CENPP: variants seen among roughly 807,000 people sequenced by gnomAD.
CENPP encodes the protein centromere protein P.
A neutral mutation model predicts 35.6 loss-of-function variants in CENPP; 24 were observed. The ratio of observed to expected loss-of-function variants is 0.67; its 90% CI spans 0.49 to 0.95. The LOEUF is 0.95. CENPP is among the 40% of genes least tolerant of loss of function. The pLI is 0.00. For synonymous variants in CENPP, 120 were observed against 125.5 expected (o/e 0.96, Z 0.29); for missense variants, 332 against 345.3 (o/e 0.96, Z 0.31).
rs147005093 is a variant in CENPP, at chr9:92,618,457, C to A, written c.*5308C>A. 8.8e-6 allele frequency: 4 copies of A among 456,596 alleles called. No homozygotes were observed. Among genetic ancestry groups the A allele is most frequent in the African/African-American group, 8.0e-5 (4 of 50,072 alleles). The allele number at this position is 456,596 out of a possible 1,614,324, so 28.3% of individuals were successfully genotyped here. ...GGTGAGTAACATGTCTGTCCTTCAG[C>A]GGCCTTTCACAGCCCACCTAAGGGC... On this transcript the variant is annotated 3_prime_UTR_variant, in exon 8 of 8. Transcript: ENST00000375587.
chr9:92,601,026 G>A (rs1350202352), intron 5 of CENPP, among the ~76,000 whole-genome samples: 2 of 152,134 alleles, frequency 1.3e-5, no homozygotes, highest in Non-Finnish European at 2.9e-5. Context: ...CCAACCAGAC[G>A]ACTCTTAGGG....
At chr9:92,471,644 A>G (rs1845519958) in intron 5 of CENPP, among the ~76,000 whole-genome samples, 1 of 151,144 alleles carries the variant, frequency 6.6e-6, no homozygotes, top group Admixed American at 6.6e-5. Flanking sequence ...TGATTTCCAC[A>G]TACTGATTCA....
rs530120601 is a variant in CENPP, at chr9:92,356,612, G to A, written c.467+10825G>A. Among the ~76,000 whole-genome samples, 235 of 152,274 alleles carry A rather than the reference G, an allele frequency of 1.5e-3. 1 individual carries two copies. Among genetic ancestry groups the A allele is most frequent in the African/African-American group, 5.3e-3 (220 of 41,544 alleles). On this transcript the variant is annotated intron_variant, in intron 4 of 7. Coordinates refer to ENST00000375587, the MANE Select transcript of CENPP (RefSeq NM_001012267.3). ...AAGACAGGCATAAGAAATTATAAAA[G>A]TATTATTTGGGAACTGATAAATGTC... is the stretch of plus-strand genomic sequence containing the variant.
At chr9:92,387,622 C>T (rs1044968177) in intron 5 of CENPP, among the ~76,000 whole-genome samples, 1 of 152,122 alleles carries the variant, frequency 6.6e-6, no homozygotes, top group Non-Finnish European at 1.5e-5. Context: ...TTCTTAAGCA[C>T]CCTACCCTTC....
intron 5 of CENPP, chr9:92,493,862 TGCAGCCAGAGCAGA>T (rs934235515): frequency 3.0e-6 from 1 of 329,682 alleles, no homozygotes; most frequent in African/African-American, 2.1e-5. Context: ...CTTGGGATTC[TGCAGCCAGAGCAGA>T]GTTGAGAAGC....
At chr9:92,594,958 G>A (rs1302206808) in intron 5 of CENPP, among the ~76,000 whole-genome samples, 2 of 139,676 alleles carry the variant, frequency 1.4e-5, no homozygotes, top group Non-Finnish European at 3.0e-5. Flanking sequence ...GTGCAGTGAC[G>A]TGATCTTGGC....
intron 3 of CENPP, among the ~76,000 whole-genome samples, chr9:92,339,020 CAGAGAAAGCAGTTGAAAGA>C (rs1365811607): frequency 6.6e-6 from 1 of 152,126 alleles, no homozygotes; most frequent in Non-Finnish European, 1.5e-5. Context: ...AGTTGAAAGC[CAGAGAAAGCAGTTGAAAGA>C]GGAGAAAGCA....
At chr9:92,385,464 A>C (rs1842381201) in intron 5 of CENPP, 3 of 613,760 alleles carry the variant, frequency 4.9e-6, no homozygotes, top group Admixed American at 6.8e-5. Flanking sequence ...TTTACTTATT[A>C]TATGTAAGAT....
At chr9:92,388,042 G>A (rs1010690595) in intron 5 of CENPP, among the ~76,000 whole-genome samples, 3 of 152,072 alleles carry the variant, frequency 2.0e-5, no homozygotes, top group Non-Finnish European at 4.4e-5. Flanking sequence ...AGGATTACAG[G>A]CATGAGCCAC....
chr9:92,411,787 C>T (rs1843451195), intron 5 of CENPP, among the ~76,000 whole-genome samples: 1 of 152,194 alleles, frequency 6.6e-6, no homozygotes, highest in African/African-American at 2.4e-5. Context: ...ATATTAACCC[C>T]AGTCAGGAGC....
intron 5 of CENPP, among the ~76,000 whole-genome samples, chr9:92,546,471 C>T (rs1299558989): frequency 3.3e-5 from 5 of 152,164 alleles, no homozygotes; most frequent in East Asian, 1.9e-4. Context: ...CTGAAGCCAG[C>T]GAGTCCACGA....
chr9:92,432,998 CTTT>C (rs1306302947), intron 5 of CENPP, among the ~76,000 whole-genome samples: 2 of 152,006 alleles, frequency 1.3e-5, no homozygotes, highest in Non-Finnish European at 2.9e-5. Flanking sequence ...ATTTTTTCTT[CTTT>C]GACTAAATAA....
chr9:92,529,334 G>GC lies in CENPP; in HGVS notation c.565-81980_565-81979insC, dbSNP rs1384119079. Reference sequence around the variant, plus strand: ...GTGCTGGTGAGTGTGTGGAGCAACTGTAAGTCTCATTCGGTGCTGGTGGGA... The same window carrying GC: ...GTGCTGGTGAGTGTGTGGAGCAACTGCTAAGTCTCATTCGGTGCTGGTGGGA... On this transcript the variant is annotated intron_variant, in intron 5 of 7. Coordinates refer to ENST00000375587, the MANE Select transcript of CENPP (RefSeq NM_001012267.3). Among the ~76,000 whole-genome samples the GC allele has an allele frequency of 2.0e-5, 3 of 152,190 alleles. No homozygotes were observed. In the East Asian group the frequency reaches 5.8e-4, roughly 29 times the overall value.
At chr9:92,434,470 ATGCTGAAAAC>A (rs1564318333) in intron 5 of CENPP, among the ~76,000 whole-genome samples, 1 of 152,154 alleles carries the variant, frequency 6.6e-6, no homozygotes, top group African/African-American at 2.4e-5. Flanking sequence ...TAAGAATTGC[ATGCTGAAAAC>A]TGCAAACATT....
intron 5 of CENPP, among the ~76,000 whole-genome samples, chr9:92,448,636 T>C (rs1844615493): frequency 2.0e-5 from 3 of 151,950 alleles, no homozygotes; most frequent in Admixed American, 2.0e-4. Context: ...GTGGGCTGAA[T>C]TGCTTCTGGA....
chr9:92,442,755 A>C (rs1373459760), intron 5 of CENPP, among the ~76,000 whole-genome samples: 2 of 151,898 alleles, frequency 1.3e-5, no homozygotes, highest in Admixed American at 6.6e-5. Flanking sequence ...AGGCTGAGGC[A>C]GGAGAATGGC....
At chr9:92,351,287 A>ATGCTGG in intron 4 of CENPP, among the ~76,000 whole-genome samples, 1 of 151,996 alleles carries the variant, frequency 6.6e-6, no homozygotes, top group South Asian at 2.1e-4. Flanking sequence ...TCAGGAGTTC[A>ATGCTGG]AATCCAGCAT....
At chr9:92,405,116 G>A (rs1174001574) in intron 5 of CENPP, among the ~76,000 whole-genome samples, 1 of 151,998 alleles carries the variant, frequency 6.6e-6, no homozygotes, top group Admixed American at 6.6e-5. Flanking sequence ...AAAAACTGAT[G>A]CATAAAAATT....
intron 5 of CENPP, among the ~76,000 whole-genome samples, chr9:92,502,832 G>A (rs1846770818): frequency 7.1e-6 from 1 of 140,850 alleles, no homozygotes; most frequent in African/African-American, 2.6e-5. Flanking sequence ...TTTTGAGACA[G>A]GGTCTCACTT....
Sources: gnomAD v4.1 joint callset for allele counts (sites outside exome capture counted in the v4.1 genomes callset) on GRCh38, gnomAD v4.1.1 for gene constraint, MANE v1.5 for transcripts, NCBI Gene and HGNC (gene_info 2026-07-23, HGNC 2026-07-21) for gene names.